ARHGEF4: variants seen among roughly 807,000 people sequenced by gnomAD.
The protein encoded by ARHGEF4 is Rho guanine nucleotide exchange factor 4, also known as APC-stimulated guanine nucleotide exchange factor 1.
Under a neutral mutation model 162.0 loss-of-function variants are expected in ARHGEF4, and 119 were observed. The ratio of observed to expected loss-of-function variants is 0.73; its 90% CI spans 0.63 to 0.86. The LOEUF is 0.86. Among genes scored for constraint, ARHGEF4 ranks in the 40% least tolerant of loss-of-function variants. The pLI, the probability that ARHGEF4 is intolerant of heterozygous loss-of-function variation, is 0.00. For synonymous variants in ARHGEF4, 1,014 were observed against 979.9 expected (o/e 1.03, Z -0.65); for missense variants, 2,488 against 2,456.0 (o/e 1.01, Z -0.28).
chr2:131,043,179 A>G (rs1185208171), intron 10 of ARHGEF4, among the ~76,000 whole-genome samples: 1 of 152,260 alleles, frequency 6.6e-6, no homozygotes, highest in Non-Finnish European at 1.5e-5. Flanking sequence ...TGTATCTTAC[A>G]CTGACATCAC....
At chr2:130,970,838 G>A (rs781769491) in intron 4 of ARHGEF4, among the ~76,000 whole-genome samples, 1 of 152,088 alleles carries the variant, frequency 6.6e-6, no homozygotes, top group Non-Finnish European at 1.5e-5. Context: ...TATGTGATTT[G>A]CAAATATTTA....
At chr2:130,904,414 G>A (rs1311167859) in intron 1 of ARHGEF4, among the ~76,000 whole-genome samples, 5 of 152,040 alleles carry the variant, frequency 3.3e-5, no homozygotes, top group African/African-American at 1.2e-4. Flanking sequence ...TGGGGGGAGG[G>A]GAGCACAGCC....
At position 130,886,523 on chromosome 2, in the gene ARHGEF4, CA is replaced by C. The variant is rs568229468; in HGVS notation, c.40-27455del. Among the ~76,000 whole-genome samples, 555 of 151,062 alleles carry C rather than the reference CA, an allele frequency of 3.7e-3. 9 individuals carry two copies. The highest frequency in any genetic ancestry group is 0.013 in the African/African-American group (527 of 41,056). ...TGAAACCCCTTCTCTACTAAAAATA[CA>C]AAAAAAATTAGCCAGGCATGGTGGC... On this transcript the variant is annotated intron_variant, in intron 1 of 13. Transcript: ENST00000409359.
intron 4 of ARHGEF4, among the ~76,000 whole-genome samples, chr2:130,975,741 CCA>C (rs939916498): frequency 2.0e-5 from 3 of 152,004 alleles, no homozygotes; most frequent in Non-Finnish European, 4.4e-5. Flanking sequence ...GTGTATCTTA[CCA>C]CACATGACTA....
At position 130,920,257 on chromosome 2, in the gene ARHGEF4, C is replaced by T. The variant is rs188682340; in HGVS notation, c.3552+2759C>T. ...CCAAGTTGCTGAGCCCCCAGGCATG[C>T]GCCACCACACCCAGATAATTTTTTA... On this transcript the variant is annotated intron_variant, in intron 2 of 13. Coordinates refer to ENST00000409359, the MANE Select transcript of ARHGEF4 (RefSeq NM_001367493.1). Among the ~76,000 whole-genome samples, 47 of 152,284 alleles carry T rather than the reference C, an allele frequency of 3.1e-4. No individual in the cohort carries two copies. In the East Asian group the frequency reaches 7.1e-3, roughly 23 times the overall value.
intron 4 of ARHGEF4, among the ~76,000 whole-genome samples, chr2:131,024,582 CAT>C (rs1689352590): frequency 6.6e-6 from 1 of 152,126 alleles, no homozygotes; most frequent in Non-Finnish European, 1.5e-5. Context: ...CCAATAAAAA[CAT>C]ATTTTAAGAC....
At chr2:130,873,505 C>G (rs1175608138) in intron 1 of ARHGEF4, among the ~76,000 whole-genome samples, 1 of 133,716 alleles carries the variant, frequency 7.5e-6, no homozygotes, top group African/African-American at 3.4e-5. Flanking sequence ...AGGAGAATCA[C>G]TTGAACCTGG....
chr2:130,986,460 A>G (rs905261396), intron 4 of ARHGEF4, among the ~76,000 whole-genome samples: 2 of 152,220 alleles, frequency 1.3e-5, no homozygotes, highest in East Asian at 1.9e-4. Context: ...AAAAGATGCC[A>G]TTTATACAAG....
intron 4 of ARHGEF4, among the ~76,000 whole-genome samples, chr2:131,025,598 ATG>A (rs542108308): frequency 1.3e-4 from 20 of 152,214 alleles, no homozygotes; most frequent in Non-Finnish European, 2.2e-4. Flanking sequence ...ATCACCATTT[ATG>A]TGTTTCTTCC....
At chr2:131,019,658 G>T (rs1287166737) in intron 4 of ARHGEF4, among the ~76,000 whole-genome samples, 1 of 151,580 alleles carries the variant, frequency 6.6e-6, no homozygotes, top group Non-Finnish European at 1.5e-5. Flanking sequence ...TTTTGAGATG[G>T]AGTCTCGCTC....
At chr2:130,875,271 C>A (rs921600674) in intron 1 of ARHGEF4, among the ~76,000 whole-genome samples, 1 of 152,138 alleles carries the variant, frequency 6.6e-6, no homozygotes. Context: ...GATCGATGGC[C>A]CCACATCAGT....
At chr2:131,014,940 C>T (rs1199944298) in intron 4 of ARHGEF4, among the ~76,000 whole-genome samples, 1 of 152,056 alleles carries the variant, frequency 6.6e-6, no homozygotes, top group South Asian at 2.1e-4. Flanking sequence ...CACTGAGAGA[C>T]GGGGAGCAGT....
At chr2:130,918,476 C>T (rs958191795) in intron 2 of ARHGEF4, among the ~76,000 whole-genome samples, 7 of 152,222 alleles carry the variant, frequency 4.6e-5, no homozygotes, top group African/African-American at 1.7e-4. Context: ...TTCTTTAGAC[C>T]AAGCGATGCC....
intron 3 of ARHGEF4, among the ~76,000 whole-genome samples, chr2:130,942,733 G>GA (rs1683385294): frequency 1.3e-5 from 2 of 152,094 alleles, no homozygotes; most frequent in Non-Finnish European, 2.9e-5. Flanking sequence ...TCGTTTTTAA[G>GA]AAAAATAATA....
At chr2:130,908,801 T>C (rs1005271165) in intron 1 of ARHGEF4, among the ~76,000 whole-genome samples, 2 of 152,120 alleles carry the variant, frequency 1.3e-5, no homozygotes, top group African/African-American at 4.8e-5. Context: ...ACAAAAGACT[T>C]ATATATAAGG....
intron 2 of ARHGEF4, among the ~76,000 whole-genome samples, chr2:130,928,594 A>T (rs1404947188): frequency 3.3e-5 from 5 of 152,178 alleles, no homozygotes; most frequent in Admixed American, 2.6e-4. Context: ...GGTCACACTT[A>T]CAAACTTTAA....
chr2:130,889,997 C>T (rs1209485515), intron 1 of ARHGEF4, among the ~76,000 whole-genome samples: 1 of 151,994 alleles, frequency 6.6e-6, no homozygotes, highest in African/African-American at 2.4e-5. Context: ...TTTTTTCCTC[C>T]TCTGGCTGAA....
intron 1 of ARHGEF4, among the ~76,000 whole-genome samples, chr2:130,865,724 G>T (rs1002774313): frequency 1.5e-4 from 22 of 150,264 alleles, no homozygotes; most frequent in African/African-American, 5.0e-4. Flanking sequence ...TTGTTTGTTT[G>T]TTTGTTTTGC....
chr2:131,009,035 A>T (rs72614458), intron 4 of ARHGEF4, among the ~76,000 whole-genome samples: 5,447 of 152,310 alleles, frequency 0.036, 193 homozygotes, highest in South Asian at 0.14. Flanking sequence ...ATTTGTCATC[A>T]TTCTCACTTT....
Sources: allele counts gnomAD v4.1 joint callset (sites outside exome capture counted in the v4.1 genomes callset), GRCh38; gene constraint gnomAD v4.1.1; transcripts MANE v1.5; gene names NCBI Gene and HGNC (gene_info 2026-07-23, HGNC 2026-07-21).